SRBD1: variants seen among roughly 807,000 people sequenced by gnomAD.
The protein encoded by SRBD1 is S1 RNA-binding domain-containing protein 1.
A neutral mutation model predicts 115.3 loss-of-function variants in SRBD1; 88 were observed. That is an observed-to-expected ratio of 0.76 (90% CI 0.64 to 0.91). The LOEUF is 0.91. Ranked by LOEUF, SRBD1 falls within the 40% of genes least tolerant of loss-of-function variation. The probability of loss-of-function intolerance (pLI) is 0.00; values close to 1 mark genes in which losing one functional copy is unlikely to be tolerated. For missense variants in SRBD1, 1,385 were observed against 1,177.4 expected (o/e 1.18, Z -2.58); for synonymous variants, 509 against 407.7 (o/e 1.25, Z -2.99).
intron 4 of SRBD1, among the ~76,000 whole-genome samples, chr2:45,588,286 A>C (rs912151918): frequency 6.6e-6 from 1 of 152,096 alleles, no homozygotes; most frequent in Admixed American, 6.6e-5. Context: ...ACCTCATCTT[A>C]TCCAGTCTTT....
chr2:45,389,807 A>T (rs757192765), intron 20 of SRBD1, among the ~76,000 whole-genome samples: 14 of 152,204 alleles, frequency 9.2e-5, no homozygotes, highest in Non-Finnish European at 1.6e-4. Flanking sequence ...AAACAATTCA[A>T]GAAAATTTAC....
rs72882467 is a variant in SRBD1 at position 45,571,607 on chromosome 2, T to C, written c.1305+1600A>G. ...AAGATTTTAAATTAACTCTATTCAATATGCTGAATTCAAGAAAATCATGAA... is the reference window on the plus strand; with the variant it reads ...AAGATTTTAAATTAACTCTATTCAACATGCTGAATTCAAGAAAATCATGAA... On this transcript the variant is annotated intron_variant, in intron 9 of 20. Transcript: ENST00000263736. 6.9e-3 allele frequency among the ~76,000 whole-genome samples: 1,005 copies of C among 145,420 alleles called. 13 individuals are homozygous for C. Among genetic ancestry groups the C allele is most frequent in the African/African-American group, 0.024 (954 of 39,200 alleles).
At chr2:45,576,175 T>C (rs1673171262) in intron 7 of SRBD1, among the ~76,000 whole-genome samples, 1 of 152,230 alleles carries the variant, frequency 6.6e-6, no homozygotes, top group Admixed American at 6.5e-5. Context: ...ATGATGAGGA[T>C]GAAGACCTTT....
At chr2:45,494,037 C>T (rs944131444) in intron 14 of SRBD1, among the ~76,000 whole-genome samples, 2 of 151,840 alleles carry the variant, frequency 1.3e-5, no homozygotes, top group African/African-American at 4.8e-5. Flanking sequence ...AATTAAACTG[C>T]ACTATTTATG....
chr2:45,593,081 G>A (rs1012713132), intron 4 of SRBD1, among the ~76,000 whole-genome samples: 16 of 152,226 alleles, frequency 1.1e-4, no homozygotes, highest in African/African-American at 3.9e-4. Flanking sequence ...AGGAATGAGA[G>A]TAAAGGGGAA....
At chr2:45,593,024 G>A (rs10181674) in intron 4 of SRBD1, among the ~76,000 whole-genome samples, 27,286 of 152,148 alleles carry the variant, frequency 0.18, 2,633 homozygotes, top group Middle Eastern at 0.22. Context: ...ACTTATAAGC[G>A]ATTCACATTT....
intron 1 of SRBD1, among the ~76,000 whole-genome samples, chr2:45,606,224 A>G (rs1204480481): frequency 6.8e-6 from 1 of 146,578 alleles, no homozygotes; most frequent in Non-Finnish European, 1.5e-5. Flanking sequence ...CAATGGCACG[A>G]TATTGGCTCA....
chr2:45,418,356 T>C lies in SRBD1; in HGVS notation c.2333+9A>G. The C allele has an allele frequency of 6.2e-7, 1 of 1,613,248 alleles. No individual in the cohort carries two copies. Among genetic ancestry groups the C allele is most frequent in the Non-Finnish European group, 8.5e-7 (1 of 1,179,578 alleles). ...TGACAATAGAATCAAAGTGTATACT[T>C]ATACTCACCTGCAAAACGTTCGGAT... On this transcript the variant is annotated intron_variant, in intron 18 of 20. Transcript: ENST00000263736.
At chr2:45,599,341 A>G in intron 4 of SRBD1, 108 bp downstream of exon 4, 1 of 1,447,904 alleles carries the variant, frequency 6.9e-7, no homozygotes. Context: ...GCAAAACTGA[A>G]GAGAGAATTG....
At chr2:45,477,348 G>A (rs1166230806) in intron 15 of SRBD1, among the ~76,000 whole-genome samples, 6 of 152,002 alleles carry the variant, frequency 3.9e-5, no homozygotes, top group East Asian at 3.9e-4. Context: ...CAAATAAAAC[G>A]TTTACTCCCT....
At chr2:45,470,954 AT>A (rs1198784084) in intron 16 of SRBD1, among the ~76,000 whole-genome samples, 5 of 152,180 alleles carry the variant, frequency 3.3e-5, no homozygotes, top group Admixed American at 2.0e-4. Context: ...TTGAAATAAT[AT>A]TATAGCTTCT....
At chr2:45,597,145 G>C (rs569311006) in intron 4 of SRBD1, among the ~76,000 whole-genome samples, 1 of 152,318 alleles carries the variant, frequency 6.6e-6, no homozygotes, top group East Asian at 1.9e-4. Context: ...TGGAGGCTGA[G>C]TGCGGTGGCT....
chr2:45,413,894 T>C (rs940201355), intron 18 of SRBD1, among the ~76,000 whole-genome samples: 1 of 151,920 alleles, frequency 6.6e-6, no homozygotes, highest in African/African-American at 2.4e-5. Flanking sequence ...ATCCTGCCAC[T>C]GCACTCCAGT....
chr2:45,446,135 A>G (rs1668817373), intron 16 of SRBD1, among the ~76,000 whole-genome samples: 1 of 152,214 alleles, frequency 6.6e-6, no homozygotes, highest in East Asian at 1.9e-4. Context: ...CAAAGTCAGA[A>G]TATAAAACAG....
intron 16 of SRBD1, among the ~76,000 whole-genome samples, chr2:45,454,080 C>T (rs1023708174): frequency 2.1e-4 from 32 of 151,900 alleles, no homozygotes; most frequent in African/African-American, 6.8e-4. Flanking sequence ...AAGGAAAAAG[C>T]GTTATCTAGC....
intron 19 of SRBD1, among the ~76,000 whole-genome samples, chr2:45,408,278 G>A (rs966391103): frequency 6.6e-6 from 1 of 152,146 alleles, no homozygotes; most frequent in African/African-American, 2.4e-5. Context: ...AAGCGTACTT[G>A]ATAGACAGAA....
intron 14 of SRBD1, among the ~76,000 whole-genome samples, chr2:45,542,027 G>T (rs1671958110): frequency 6.6e-6 from 1 of 152,216 alleles, no homozygotes; most frequent in African/African-American, 2.4e-5. Flanking sequence ...CCTGCCCCTT[G>T]CTGCACAGGA....
intron 14 of SRBD1, among the ~76,000 whole-genome samples, chr2:45,489,066 G>A (rs144546067): frequency 6.6e-6 from 1 of 152,140 alleles, no homozygotes; most frequent in African/African-American, 2.4e-5. Context: ...AACCCACAAT[G>A]AGAATACTGT....
chr2:45,469,412 C>CA (rs1176218234), intron 16 of SRBD1, among the ~76,000 whole-genome samples: 1 of 152,098 alleles, frequency 6.6e-6, no homozygotes, highest in Admixed American at 6.6e-5. Context: ...CAATGACATA[C>CA]ACAGAGTAAG....
Sources: allele counts gnomAD v4.1 joint callset (sites outside exome capture counted in the v4.1 genomes callset), GRCh38; gene constraint gnomAD v4.1.1; transcripts MANE v1.5; gene names NCBI Gene and HGNC (gene_info 2026-07-23, HGNC 2026-07-21).